Variants in STAB2 observed in about 807,000 individuals in gnomAD.
STAB2 encodes stabilin-2.
Under a neutral mutation model 338.1 loss-of-function variants are expected in STAB2, and 288 were observed. The ratio of observed to expected loss-of-function variants is 0.85; its 90% CI spans 0.77 to 0.94. The LOEUF is 0.94. Ranked by LOEUF, STAB2 falls within the 40% of genes least tolerant of loss-of-function variation. The probability of loss-of-function intolerance (pLI) is 0.00; values close to 1 mark genes in which losing one functional copy is unlikely to be tolerated. For missense variants in STAB2, 3,141 were observed against 3,210.1 expected, an observed-to-expected ratio of 0.98 and a Z score of 0.52; for synonymous variants, 1,202 against 1,193.3, an observed-to-expected ratio of 1.01 and a Z score of -0.15.
chr12:103,737,543 A>G, intron 52 of STAB2, 91 bp from the exon 53 acceptor site: 14 of 1,401,130 alleles, frequency 1.0e-5, no homozygotes, highest in Non-Finnish European at 1.3e-5. Context: ...CATGGCTGGG[A>G]AAGAAGAGAT....
rs760386961 is a variant in STAB2 at position 103,728,870 on chromosome 12, G to C, written c.4957G>C (p.Gly1653Arg). ...ACAGGTTAAAGACTGGGACAAATAC[G>C]GTTTAATGCCCCAGGTTCTTCGGTA... ...EARVKDWDKY[G>R]LMPQVLRYHV... The change falls in exon 48 of 69, where the codon GGT becomes CGT. Residue 1653 changes from glycine (G) to arginine (R), a missense_variant. Gly to Arg is a moderately radical substitution (Grantham distance 125). Coordinates refer to ENST00000388887, the MANE Select transcript of STAB2 (RefSeq NM_017564.10). 1 of 1,613,800 alleles carries C rather than the reference G, an allele frequency of 6.2e-7. No individual in the cohort carries two copies. The highest frequency in any genetic ancestry group is 8.5e-7 in the Non-Finnish European group (1 of 1,179,868).
chr12:103,686,236 G>A (rs7302137), intron 27 of STAB2, among the ~76,000 whole-genome samples: 7,503 of 152,012 alleles, frequency 0.049, 605 homozygotes, highest in African/African-American at 0.17. Flanking sequence ...TAAGAGTCTC[G>A]CCCTAAGAAC....
At chr12:103,753,669 C>T (rs910612988) in intron 61 of STAB2, among the ~76,000 whole-genome samples, 3 of 152,184 alleles carry the variant, frequency 2.0e-5, no homozygotes, top group Non-Finnish European at 4.4e-5. Context: ...CTGATGTCAC[C>T]CAGCCAAGAG....
At chr12:103,627,544 T>G (rs1197762772) in intron 5 of STAB2, among the ~76,000 whole-genome samples, 1 of 152,230 alleles carries the variant, frequency 6.6e-6, no homozygotes, top group African/African-American at 2.4e-5. Flanking sequence ...TCAATGATGA[T>G]CTGGGAAACC....
chr12:103,685,459 T>C (rs983006318), intron 27 of STAB2, among the ~76,000 whole-genome samples: 2 of 135,538 alleles, frequency 1.5e-5, no homozygotes, highest in Non-Finnish European at 3.3e-5. Context: ...TGTGTGCGCG[T>C]GCGTGTGTGT....
intron 34 of STAB2, among the ~76,000 whole-genome samples, 161 bp downstream of exon 34, chr12:103,699,388 G>C (rs1878672006): frequency 6.6e-6 from 1 of 152,122 alleles, no homozygotes; most frequent in Non-Finnish European, 1.5e-5. Context: ...AAGAAAAAGA[G>C]GTTTAACAGA....
chr12:103,755,203 A>G (rs1352670007), intron 61 of STAB2, 99 bp from the exon 62 acceptor site: 38 of 1,506,906 alleles, frequency 2.5e-5, no homozygotes, highest in East Asian at 4.5e-5. Context: ...GTGAGACTTT[A>G]TGGGTTTTAT....
Position 103,735,473 on chromosome 12 carries a change from G to A in STAB2, c.5461-18G>A. 1 of 1,574,804 alleles carries A rather than the reference G, an allele frequency of 6.3e-7. No individual in the cohort carries two copies. Among genetic ancestry groups the A allele is most frequent in the Non-Finnish European group, 8.6e-7 (1 of 1,160,538 alleles). Reference sequence around the variant, plus strand: ...GGCCCAAATTTGGGGCAGTCACGTGGTGCCATCACTCCTACAGGTTTTAGC... The same window carrying A: ...GGCCCAAATTTGGGGCAGTCACGTGATGCCATCACTCCTACAGGTTTTAGC... On this transcript the variant is annotated intron_variant, in intron 51 of 68. Transcript: ENST00000388887.
At chr12:103,659,137 T>C (rs1249242295) in intron 15 of STAB2, among the ~76,000 whole-genome samples, 6 of 152,214 alleles carry the variant, frequency 3.9e-5, no homozygotes, top group Admixed American at 1.3e-4. Flanking sequence ...AACATTTTTA[T>C]TGACAACCCT....
intron 3 of STAB2, among the ~76,000 whole-genome samples, chr12:103,608,130 A>G (rs1428260800): frequency 6.6e-6 from 1 of 152,078 alleles, no homozygotes; most frequent in Non-Finnish European, 1.5e-5. Flanking sequence ...CATTTCTCTG[A>G]TGGCCAGTGA....
chr12:103,745,069 A>G, intron 56 of STAB2, 104 bp from the exon 57 acceptor site: 1 of 909,064 alleles, frequency 1.1e-6, no homozygotes, highest in Non-Finnish European at 1.6e-6. Context: ...TGACATAAGC[A>G]TGGTGCCTCC....
At chr12:103,766,188 C>T (rs1303217789) in intron 68 of STAB2, 98 bp from the exon 69 acceptor site, 1 of 1,484,654 alleles carries the variant, frequency 6.7e-7, no homozygotes, top group Admixed American at 1.7e-5. Context: ...TCACAGTGCT[C>T]AGGGAGAGTC....
chr12:103,709,349 C>T (rs1446343960), intron 39 of STAB2, among the ~76,000 whole-genome samples: 1 of 152,142 alleles, frequency 6.6e-6, no homozygotes, highest in Non-Finnish European at 1.5e-5. Context: ...GGGCAGGCGC[C>T]GGGCCGTGAA....
At chr12:103,678,951 G>T (rs937776134) in intron 25 of STAB2, among the ~76,000 whole-genome samples, 1 of 152,198 alleles carries the variant, frequency 6.6e-6, no homozygotes, top group Non-Finnish European at 1.5e-5. Context: ...CGGTCCTGCG[G>T]GCCAGTGCAG....
At chr12:103,632,609 G>C (rs944203500) in intron 6 of STAB2, among the ~76,000 whole-genome samples, 4 of 152,176 alleles carry the variant, frequency 2.6e-5, no homozygotes, top group African/African-American at 9.7e-5. Flanking sequence ...TAGTCGCTAG[G>C]TCCAGGCCAA....
chr12:103,666,334 C>T lies in STAB2; in HGVS notation c.2066C>T (p.Pro689Leu), dbSNP rs1211099613. The T allele has an allele frequency of 1.9e-6, 3 of 1,614,172 alleles. No individual in the cohort carries two copies. Among genetic ancestry groups the T allele is most frequent in the South Asian group, 1.1e-5 (1 of 91,074 alleles). The change falls in exon 19 of 69, where the codon CCT (proline) becomes CTT (leucine). Residue 689 changes from proline to leucine, a missense_variant. Coordinates refer to ENST00000388887, the MANE Select transcript of STAB2 (RefSeq NM_017564.10). Reference sequence around the variant, plus strand: ...TCTCTGGTGTACTGGAGCAGATGTCCTGCTAACTCTGAGCCCACAGTGAGT... The same window carrying T: ...TCTCTGGTGTACTGGAGCAGATGTCTTGCTAACTCTGAGCCCACAGTGAGT... ...SCSLVYWSRC[P>L]ANSEPTALFT...
chr12:103,650,727 A>G (rs766803557), intron 11 of STAB2, 149 bp downstream of exon 11: 6 of 593,526 alleles, frequency 1.0e-5, no homozygotes, highest in Admixed American at 3.1e-5. Flanking sequence ...TCTTTTAGTG[A>G]TATATAACAT....
At chr12:103,655,607 G>T in intron 15 of STAB2, 26 bp downstream of exon 15, 1 of 1,611,818 alleles carries the variant, frequency 6.2e-7, no homozygotes, top group Non-Finnish European at 8.5e-7. Flanking sequence ...TGCTCTGATG[G>T]CATCGTGTCA....
chr12:103,666,442 G>A, intron 19 of STAB2, 89 bp downstream of exon 19: 2 of 1,360,862 alleles, frequency 1.5e-6, no homozygotes, highest in Non-Finnish European at 2.1e-6. Flanking sequence ...TTCTTTAGAA[G>A]ATATTAATTG....
Sources: allele counts gnomAD v4.1 joint callset (sites outside exome capture counted in the v4.1 genomes callset), GRCh38; gene constraint gnomAD v4.1.1; transcripts MANE v1.5; gene names NCBI Gene and HGNC (gene_info 2026-07-23, HGNC 2026-07-21).